TSC22D1: variants seen among roughly 807,000 people sequenced by gnomAD.
TSC22D1 encodes TSC22 domain family member 1.
Under a neutral mutation model 74.2 loss-of-function variants are expected in TSC22D1, and 9 were observed. The observed-to-expected ratio is 0.12, with a 90% CI of 0.07 to 0.21. TSC22D1 has a LOEUF of 0.21. Ranked by LOEUF, TSC22D1 falls within the 10% of genes least tolerant of loss-of-function variation. The probability of loss-of-function intolerance (pLI) is 1.00; values close to 1 mark genes in which losing one functional copy is unlikely to be tolerated. For missense variants in TSC22D1, 1,427 were observed against 1,304.7 expected (o/e 1.09, Z -1.44); for synonymous variants, 586 against 492.5 (o/e 1.19, Z -2.51).
chr13:44,434,418 ACC>A lies in TSC22D1; in HGVS notation c.*206_*207del, dbSNP rs1874340304. ...TATATCCATGCTAATTCTCGGATTA[ACC>A]TTTAATTCACCCAACTAAGAAATTT... On this transcript the variant is annotated 3_prime_UTR_variant, in exon 3 of 3. Coordinates refer to ENST00000458659, the MANE Select transcript of TSC22D1 (RefSeq NM_183422.4). 2 of 1,357,596 alleles carry A rather than the reference ACC, an allele frequency of 1.5e-6. No individual in the cohort carries two copies. The highest frequency in any genetic ancestry group is 1.9e-6 in the Non-Finnish European group (2 of 1,063,462). The allele number at this position is 1,357,596 out of a possible 1,614,324, so 84.1% of individuals were successfully genotyped here.
chr13:44,441,495 G>C (rs1435393535), intron 1 of TSC22D1, among the ~76,000 whole-genome samples: 1 of 152,118 alleles, frequency 6.6e-6, no homozygotes, highest in Admixed American at 6.6e-5. Context: ...GAAGGTAACA[G>C]GAAGAAAAAT....
chr13:44,476,200 A>G (rs1321508743), intron 1 of TSC22D1, among the ~76,000 whole-genome samples: 1 of 152,204 alleles, frequency 6.6e-6, no homozygotes, highest in African/African-American at 2.4e-5. Flanking sequence ...ATTGACATAT[A>G]CATAAATTAA....
intron 1 of TSC22D1, among the ~76,000 whole-genome samples, chr13:44,496,713 A>G (rs1878995384): frequency 6.6e-6 from 1 of 151,930 alleles, no homozygotes; most frequent in Non-Finnish European, 1.5e-5. Context: ...AATAAAAAAT[A>G]AATTAGTGGG....
intron 1 of TSC22D1, among the ~76,000 whole-genome samples, chr13:44,512,612 C>T (rs1879785733): frequency 6.6e-6 from 1 of 152,104 alleles, no homozygotes. Context: ...TCTACATCTA[C>T]ATCTATAAAT....
chr13:44,572,620 A>G (rs944322489), intron 1 of TSC22D1, among the ~76,000 whole-genome samples: 1 of 152,218 alleles, frequency 6.6e-6, no homozygotes, highest in Non-Finnish European at 1.5e-5. Flanking sequence ...AGTACGCAAA[A>G]GTTGGTCAGT....
At chr13:44,474,362 C>G (rs61949803) in intron 1 of TSC22D1, 72,581 of 760,410 alleles carry the variant, frequency 0.095, 3,667 homozygotes, top group Non-Finnish European at 0.1. Flanking sequence ...TTCCATCTGT[C>G]CCCTAAGGCA....
chr13:44,495,445 G>C (rs190966992), intron 1 of TSC22D1, among the ~76,000 whole-genome samples: 96 of 152,210 alleles, frequency 6.3e-4, no homozygotes, highest in Admixed American at 2.7e-3. Context: ...AAGGATGCTA[G>C]ATAATAACAC....
intron 1 of TSC22D1, among the ~76,000 whole-genome samples, chr13:44,481,322 C>T (rs1878167153): frequency 1.3e-5 from 2 of 152,028 alleles, no homozygotes; most frequent in African/African-American, 4.8e-5. Context: ...CACACCACAG[C>T]AGTGTAGATG....
chr13:44,530,145 T>C (rs1880752199), intron 1 of TSC22D1, among the ~76,000 whole-genome samples: 1 of 152,140 alleles, frequency 6.6e-6, no homozygotes, highest in South Asian at 2.1e-4. Context: ...ATTTACACTC[T>C]CCAGACTTCA....
intron 1 of TSC22D1, chr13:44,538,824 T>C: frequency 1.0e-6 from 1 of 985,414 alleles, no homozygotes; most frequent in Non-Finnish European, 1.2e-6. Flanking sequence ...ATATCATCCA[T>C]GAAGGCTCTG....
chr13:44,517,289 A>G (rs1269364476), intron 1 of TSC22D1, among the ~76,000 whole-genome samples: 7 of 152,058 alleles, frequency 4.6e-5, no homozygotes, highest in Non-Finnish European at 1.5e-5. Context: ...TACTTCTAAA[A>G]CAGAGAGCAA....
chr13:44,523,196 G>A (rs1880396879), intron 1 of TSC22D1, among the ~76,000 whole-genome samples: 1 of 152,176 alleles, frequency 6.6e-6, no homozygotes. Flanking sequence ...TTCATTGCTG[G>A]TGGAAATGCA....
In TSC22D1 at chr13:44,474,268, T is replaced by C. The variant is rs182953956; in HGVS notation, c.2913-38173A>G. 104 of 985,432 alleles carry C rather than the reference T, an allele frequency of 1.1e-4. No individual in the cohort carries two copies. The African/African-American group carries it at 1.4e-3, about 14-fold the overall frequency. 61.0% of individuals were successfully genotyped at this position (985,432 alleles called of 1,614,324 possible). A position where few individuals can be genotyped will look rare whatever the true frequency, so the allele number is the denominator to read the frequency against. On this transcript the variant is annotated intron_variant, in intron 1 of 2. Transcript: ENST00000458659. ...AAAAGCTTCACGCTACAGACTATGGTGGCTTTCTTGGGCCTCTCTTCCCAC... is the reference window on the plus strand; with the variant it reads ...AAAAGCTTCACGCTACAGACTATGGCGGCTTTCTTGGGCCTCTCTTCCCAC...
At chr13:44,443,903 T>C (rs1037067627) in intron 1 of TSC22D1, among the ~76,000 whole-genome samples, 5 of 152,088 alleles carry the variant, frequency 3.3e-5, no homozygotes, top group African/African-American at 1.2e-4. Context: ...GGAAAATGTA[T>C]AATCTAAAAG....
chr13:44,576,251 G>T lies in TSC22D1; in HGVS notation c.-177C>A. The T allele has an allele frequency of 1.1e-6, 1 of 920,596 alleles. No homozygotes were observed. The highest frequency in any genetic ancestry group is 1.6e-6 in the Non-Finnish European group (1 of 635,868). 57.0% of individuals were successfully genotyped at this position (920,596 alleles called of 1,614,324 possible). ...GCTCCTGCCTTCGAGAGCGAGCTTC[G>T]GAAAGGAGGATGAACGAGGGTGAAC... On this transcript the variant is annotated 5_prime_UTR_variant, in exon 1 of 3. Transcript: ENST00000458659.
chr13:44,456,160 TA>T (rs1876611101), intron 1 of TSC22D1, among the ~76,000 whole-genome samples: 1 of 152,180 alleles, frequency 6.6e-6, no homozygotes, highest in Admixed American at 6.5e-5. Flanking sequence ...GCTCAGCTCA[TA>T]AAGGTAGTGC....
intron 1 of TSC22D1, among the ~76,000 whole-genome samples, chr13:44,513,135 T>C (rs1375850876): frequency 1.3e-5 from 2 of 152,204 alleles, no homozygotes; most frequent in Non-Finnish European, 2.9e-5. Flanking sequence ...AGGTTGGATT[T>C]AACTGCAATT....
intron 1 of TSC22D1, among the ~76,000 whole-genome samples, chr13:44,442,950 C>G (rs1440670482): frequency 9.0e-6 from 1 of 111,446 alleles, no homozygotes; most frequent in Non-Finnish European, 1.9e-5. Flanking sequence ...AAGAACAAAT[C>G]AAAAAAAGAA....
chr13:44,438,898 A>G (rs2138861367), intron 1 of TSC22D1, among the ~76,000 whole-genome samples: 1 of 152,336 alleles, frequency 6.6e-6, no homozygotes, highest in South Asian at 2.1e-4. Flanking sequence ...GTTTTAACTG[A>G]ATGCCAACTT....
Sources: gnomAD v4.1 joint callset for allele counts (sites outside exome capture counted in the v4.1 genomes callset) on GRCh38, gnomAD v4.1.1 for gene constraint, MANE v1.5 for transcripts, NCBI Gene and HGNC (gene_info 2026-07-23, HGNC 2026-07-21) for gene names.